Variants in METTL8 observed in about 807,000 individuals in gnomAD.
METTL8 encodes the protein methyltransferase 8, tRNA N3-cytidine.
A neutral mutation model predicts 48.7 loss-of-function variants in METTL8; 32 were observed. The observed-to-expected ratio is 0.66, with a 90% CI of 0.50 to 0.88. The LOEUF is 0.88. METTL8 is among the 40% of genes least tolerant of loss of function. The pLI, the probability that METTL8 is intolerant of heterozygous loss-of-function variation, is 0.00. For missense variants in METTL8, 464 were observed against 474.4 expected, an observed-to-expected ratio of 0.98 and a Z score of 0.20; for synonymous variants, 136 against 157.1, an observed-to-expected ratio of 0.87 and a Z score of 1.01.
Position 171,316,155 on chromosome 2 carries a change from G to T in METTL8, c.*8017C>A, listed in dbSNP as rs1002995297. 9.8e-5 allele frequency among the ~76,000 whole-genome samples: 15 copies of T among 152,338 alleles called. No individual in the cohort carries two copies. Among genetic ancestry groups the T allele is most frequent in the African/African-American group, 3.6e-4 (15 of 41,586 alleles). On this transcript the variant is annotated 3_prime_UTR_variant, in exon 10 of 10. Coordinates refer to ENST00000375258, the MANE Select transcript of METTL8 (RefSeq NM_001321154.2). ...CAAAGCTAAATGAGTATGCAATAAA[G>T]CTTTGAGAAATGGAAAAGAAAATCT...
chr2:171,334,224 A>G (rs1310859241), intron 5 of METTL8, among the ~76,000 whole-genome samples: 5 of 152,236 alleles, frequency 3.3e-5, no homozygotes. Context: ...CCCATAAGAT[A>G]TAGAACAGTC....
At chr2:171,427,445 C>T (rs541866807) in intron 1 of METTL8, among the ~76,000 whole-genome samples, 1 of 152,296 alleles carries the variant, frequency 6.6e-6, no homozygotes, top group Non-Finnish European at 1.5e-5. Flanking sequence ...TTACCATTGC[C>T]TACAAAGCTT....
intron 1 of METTL8, among the ~76,000 whole-genome samples, chr2:171,427,538 G>T (rs1425328827): frequency 6.6e-6 from 1 of 152,074 alleles, no homozygotes; most frequent in African/African-American, 2.4e-5. Context: ...GAGAGTTTTT[G>T]ACTTCTTATT....
chr2:171,357,275 A>G (rs1449915576), intron 3 of METTL8, among the ~76,000 whole-genome samples: 1 of 152,122 alleles, frequency 6.6e-6, no homozygotes, highest in Admixed American at 6.6e-5. Flanking sequence ...ATGATCTTAC[A>G]CTTAGAAAAA....
intron 9 of METTL8, among the ~76,000 whole-genome samples, chr2:171,324,628 A>G (rs1265624632): frequency 1.3e-5 from 2 of 152,242 alleles, no homozygotes; most frequent in Non-Finnish European, 1.5e-5. Flanking sequence ...GCAGCTTTCA[A>G]TATTTTGAAA....
chr2:171,432,407 C>T (rs1693153753), intron 1 of METTL8, among the ~76,000 whole-genome samples: 2 of 151,992 alleles, frequency 1.3e-5, no homozygotes, highest in Admixed American at 6.5e-5. Flanking sequence ...CCCTTGGTGA[C>T]GACTTGGTGG....
intron 3 of METTL8, among the ~76,000 whole-genome samples, chr2:171,352,134 T>C (rs1684003759): frequency 1.3e-5 from 2 of 152,218 alleles, no homozygotes; most frequent in African/African-American, 4.8e-5. Flanking sequence ...ATATGTCCCA[T>C]CAATACCTAA....
At chr2:171,361,659 A>C (rs1437905903) in intron 2 of METTL8, among the ~76,000 whole-genome samples, 1 of 152,216 alleles carries the variant, frequency 6.6e-6, no homozygotes, top group Non-Finnish European at 1.5e-5. Context: ...TGGCTAACAG[A>C]AATTTAATAA....
At position 171,354,787 on chromosome 2, in the gene METTL8, C is replaced by T. The variant is rs180829873; in HGVS notation, c.235+5635G>A. Among the ~76,000 whole-genome samples, 707 of 152,314 alleles carry T rather than the reference C, an allele frequency of 4.6e-3. 2 individuals carry two copies. Among genetic ancestry groups the T allele is most frequent in the East Asian group, 0.011 (59 of 5,180 alleles). On this transcript the variant is annotated intron_variant, in intron 3 of 9. Coordinates refer to ENST00000375258, the MANE Select transcript of METTL8 (RefSeq NM_001321154.2). ...GCTTGTACATGCGTCACATAGTTCTCGTGCCATGGTTTTCAGCTCCATCAG... is the reference window on the plus strand; with the variant it reads ...GCTTGTACATGCGTCACATAGTTCTTGTGCCATGGTTTTCAGCTCCATCAG...
chr2:171,336,923 G>A (rs953279745), intron 5 of METTL8, among the ~76,000 whole-genome samples: 2 of 135,578 alleles, frequency 1.5e-5, no homozygotes, highest in East Asian at 2.1e-4. Flanking sequence ...AGACTGGAGT[G>A]CAATGGCGCA....
At chr2:171,375,283 G>C (rs1019489530) in intron 2 of METTL8, 1 of 859,614 alleles carries the variant, frequency 1.2e-6, no homozygotes, top group Non-Finnish European at 2.0e-6. Context: ...TGTCATCTTG[G>C]AGGCACGGAC....
At chr2:171,379,951 A>G (rs1436022576) in intron 2 of METTL8, among the ~76,000 whole-genome samples, 1 of 152,228 alleles carries the variant, frequency 6.6e-6, no homozygotes, top group African/African-American at 2.4e-5. Context: ...CAACAAAAAA[A>G]GAAAACTTCA....
intron 1 of METTL8, among the ~76,000 whole-genome samples, chr2:171,409,438 C>A (rs952910167): frequency 6.6e-6 from 1 of 152,142 alleles, no homozygotes; most frequent in African/African-American, 2.4e-5. Context: ...CCACCTCCCA[C>A]TGTCTAGCAA....
At chr2:171,337,028 T>C (rs1686193987) in intron 5 of METTL8, among the ~76,000 whole-genome samples, 1 of 151,808 alleles carries the variant, frequency 6.6e-6, no homozygotes, top group South Asian at 2.1e-4. Flanking sequence ...CCACCATGCC[T>C]GGCTAATTTT....
intron 2 of METTL8, among the ~76,000 whole-genome samples, chr2:171,374,537 C>A (rs1444132224): frequency 6.6e-6 from 1 of 152,100 alleles, no homozygotes; most frequent in Non-Finnish European, 1.5e-5. Context: ...AAGTGTACAA[C>A]TTGGTAAGTT....
At chr2:171,328,771 C>T (rs1203929660) in intron 7 of METTL8, among the ~76,000 whole-genome samples, 2 of 152,092 alleles carry the variant, frequency 1.3e-5, no homozygotes, top group African/African-American at 2.4e-5. Context: ...CACACTGCAG[C>T]CTCTGCCTTC....
intron 1 of METTL8, among the ~76,000 whole-genome samples, chr2:171,425,940 T>C (rs1692369530): frequency 6.6e-6 from 1 of 152,008 alleles, no homozygotes; most frequent in Non-Finnish European, 1.5e-5. Context: ...AGGCAGATCA[T>C]GAAGTCAGGT....
chr2:171,371,074 AAC>A (rs1265458112), intron 2 of METTL8, among the ~76,000 whole-genome samples: 1 of 152,228 alleles, frequency 6.6e-6, no homozygotes, highest in African/African-American at 2.4e-5. Context: ...ATAAAGAAAA[AAC>A]ATTTTCAGCT....
At chr2:171,354,098 G>A (rs191897380) in intron 3 of METTL8, among the ~76,000 whole-genome samples, 15 of 152,256 alleles carry the variant, frequency 9.9e-5, no homozygotes, top group East Asian at 3.9e-4. Flanking sequence ...GGCTGGTACC[G>A]GTTGTTCCTT....
Sources: gnomAD v4.1 joint callset for allele counts (sites outside exome capture counted in the v4.1 genomes callset) on GRCh38, gnomAD v4.1.1 for gene constraint, MANE v1.5 for transcripts, NCBI Gene and HGNC (gene_info 2026-07-23, HGNC 2026-07-21) for gene names.